The following STX8 variants were observed in gnomAD, a reference collection of about 807,000 sequenced individuals.
STX8 encodes syntaxin 8, also known as syntaxin-8.
In STX8, 23 loss-of-function variants were observed where a neutral mutation model predicts 37.5. That is an observed-to-expected ratio of 0.61 (90% CI 0.44 to 0.87). The LOEUF (loss-of-function observed/expected upper bound fraction) is 0.87. Ranked by LOEUF, STX8 falls within the 40% of genes least tolerant of loss-of-function variation. The probability of loss-of-function intolerance (pLI) is 0.00; values close to 1 mark genes in which losing one functional copy is unlikely to be tolerated. For missense variants in STX8, 313 were observed against 284.7 expected (o/e 1.10, Z -0.71); for synonymous variants, 115 against 99.1 (o/e 1.16, Z -0.95).
intron 6 of STX8, among the ~76,000 whole-genome samples, chr17:9,445,643 G>A (rs7213569): frequency 0.24 from 36,864 of 151,638 alleles, 4,565 homozygotes; most frequent in Middle Eastern, 0.27. Context: ...AGCAGGTACC[G>A]TGTTTTATAA....
At position 9,574,675 on chromosome 17, in the gene STX8, C is replaced by T. The variant is rs190083959; in HGVS notation, c.17+1117G>A. On this transcript the variant is annotated intron_variant, in intron 1 of 7. Coordinates refer to ENST00000306357, the MANE Select transcript of STX8 (RefSeq NM_004853.3). The stretch of plus-strand genomic sequence containing the variant: ...TCAGTCTCCCGAGTAGCTGGGATTA[C>T]AGGCATGTACTACCATGCCCGGCTA... Among the ~76,000 whole-genome samples, 11 of 152,170 alleles carry T rather than the reference C, an allele frequency of 7.2e-5. No homozygotes were observed. In the East Asian group the frequency reaches 2.1e-3, roughly 30 times the overall value.
At chr17:9,282,814 A>G (rs1354379328) in intron 7 of STX8, among the ~76,000 whole-genome samples, 3 of 152,252 alleles carry the variant, frequency 2.0e-5, no homozygotes, top group Non-Finnish European at 2.9e-5. Flanking sequence ...TAACCAGCCT[A>G]AAGAAAATTT....
intron 4 of STX8, among the ~76,000 whole-genome samples, chr17:9,512,737 G>A (rs963265830): frequency 6.6e-6 from 1 of 152,120 alleles, no homozygotes; most frequent in Non-Finnish European, 1.5e-5. Flanking sequence ...ACCCAGCCAA[G>A]CCTACTCATT....
chr17:9,551,437 T>C (rs1906755814), intron 3 of STX8, among the ~76,000 whole-genome samples: 1 of 152,212 alleles, frequency 6.6e-6, no homozygotes. Context: ...TTTACAATAA[T>C]GATAAAATAA....
intron 7 of STX8, among the ~76,000 whole-genome samples, chr17:9,283,784 T>C (rs1376397817): frequency 6.6e-6 from 1 of 152,204 alleles, no homozygotes; most frequent in Admixed American, 6.5e-5. Context: ...TTTCTTTTCA[T>C]TTCTGGAATT....
chr17:9,392,743 A>G (rs1377869997), intron 6 of STX8, among the ~76,000 whole-genome samples: 2 of 152,222 alleles, frequency 1.3e-5, no homozygotes, highest in Non-Finnish European at 2.9e-5. Flanking sequence ...CACAATAACC[A>G]AATTTGAAAA....
chr17:9,307,794 C>T (rs988305466), intron 7 of STX8, among the ~76,000 whole-genome samples: 30 of 152,164 alleles, frequency 2.0e-4, no homozygotes, highest in African/African-American at 6.7e-4. Flanking sequence ...CTGTTTCCTG[C>T]CCCTCTTTGT....
intron 6 of STX8, among the ~76,000 whole-genome samples, chr17:9,411,343 C>G (rs1368401481): frequency 6.6e-6 from 1 of 152,168 alleles, no homozygotes; most frequent in Non-Finnish European, 1.5e-5. Context: ...CTGCTTAGAA[C>G]TTTCCCAAGC....
chr17:9,421,368 G>T (rs1913420198), intron 6 of STX8, among the ~76,000 whole-genome samples: 2 of 145,074 alleles, frequency 1.4e-5, no homozygotes. Flanking sequence ...CTCCAGCCTG[G>T]GCAATAAGAG....
chr17:9,503,511 C>T (rs1241681347), intron 5 of STX8, among the ~76,000 whole-genome samples: 2 of 151,846 alleles, frequency 1.3e-5, no homozygotes, highest in African/African-American at 4.8e-5. Context: ...GATTTATTTT[C>T]TCCTCCTCCT....
At chr17:9,309,307 T>C (rs900202211) in intron 7 of STX8, among the ~76,000 whole-genome samples, 4 of 152,306 alleles carry the variant, frequency 2.6e-5, no homozygotes, top group African/African-American at 9.6e-5. Flanking sequence ...TTTCAAGCCC[T>C]CTTCTTCACT....
chr17:9,454,781 G>A (rs1370128608), intron 6 of STX8, among the ~76,000 whole-genome samples: 4 of 152,128 alleles, frequency 2.6e-5, no homozygotes, highest in South Asian at 2.1e-4. Context: ...CACAGAAAGC[G>A]AAACCACATA....
At chr17:9,572,277 T>G (rs577646234) in intron 1 of STX8, among the ~76,000 whole-genome samples, 3 of 152,300 alleles carry the variant, frequency 2.0e-5, no homozygotes, top group Non-Finnish European at 4.4e-5. Context: ...TACCACTTGC[T>G]TTGATAGGCC....
intron 6 of STX8, among the ~76,000 whole-genome samples, chr17:9,460,788 G>C (rs906394907): frequency 2.0e-5 from 3 of 151,958 alleles, no homozygotes; most frequent in African/African-American, 7.2e-5. Context: ...TTTGTCATCA[G>C]ACTGATCTGG....
At chr17:9,533,553 C>T (rs1017490966) in intron 4 of STX8, among the ~76,000 whole-genome samples, 3 of 152,164 alleles carry the variant, frequency 2.0e-5, no homozygotes, top group Non-Finnish European at 4.4e-5. Context: ...TGTAAACATC[C>T]CAGCTTCTTT....
chr17:9,327,592 ATTCCTTCCAC>A (rs1909821670), intron 7 of STX8, among the ~76,000 whole-genome samples: 1 of 152,034 alleles, frequency 6.6e-6, no homozygotes, highest in African/African-American at 2.4e-5. Context: ...TCTGTGTGGC[ATTCCTTCCAC>A]CTGGGTACAG....
At chr17:9,275,040 C>A (rs142423897) in intron 7 of STX8, among the ~76,000 whole-genome samples, 3 of 152,034 alleles carry the variant, frequency 2.0e-5, no homozygotes, top group African/African-American at 7.2e-5. Context: ...CATGAGCCAC[C>A]GCGCCTGGCC....
At chr17:9,494,633 A>AG (rs1907020516) in intron 5 of STX8, among the ~76,000 whole-genome samples, 1 of 149,062 alleles carries the variant, frequency 6.7e-6, no homozygotes, top group Admixed American at 6.6e-5. Flanking sequence ...AAAAAAAAAA[A>AG]AAAAAAAAGA....
chr17:9,461,466 A>C (rs891595672), intron 6 of STX8: 5 of 152,216 alleles, frequency 3.3e-5, no homozygotes, highest in Non-Finnish European at 7.3e-5. Context: ...ATAGAGACAG[A>C]AGCCAATATA....
Sources: allele counts gnomAD v4.1 joint callset (sites outside exome capture counted in the v4.1 genomes callset), GRCh38; gene constraint gnomAD v4.1.1; transcripts MANE v1.5; gene names NCBI Gene and HGNC (gene_info 2026-07-23, HGNC 2026-07-21).